ATP1A3: variants seen among roughly 807,000 people sequenced by gnomAD.
ATP1A3 encodes the protein sodium/potassium-transporting ATPase subunit alpha-3.
ATP1A3 carries 12 observed loss-of-function variants against 108.8 expected under a neutral mutation model. The ratio of observed to expected loss-of-function variants is 0.11; its 90% confidence interval spans 0.07 to 0.18. ATP1A3 has a LOEUF of 0.18. ATP1A3 is among the 10% of genes least tolerant of loss of function. ATP1A3 has a pLI of 1.00. For synonymous variants in ATP1A3, 539 were observed against 564.5 expected, an observed-to-expected ratio of 0.95 and a Z score of 0.64; for missense variants, 498 against 1,387.7, an observed-to-expected ratio of 0.36 and a Z score of 10.19.
Position 41,987,953 on chromosome 19 carries a change from C to T in ATP1A3, c.340G>A (p.Asp114Asn), listed in dbSNP as rs782128088. The change falls in exon 4 of 23, where the codon GAC (aspartate) becomes AAC (asparagine). Residue 114 changes from aspartate to asparagine, a missense_variant. By Grantham distance (23) the Asp-to-Asn change is conservative. This residue lies in a region of ATP1A3 where 127 missense variants were observed against 464.0 expected (regional missense o/e 0.27). Transcript: ENST00000648268. ...AYGIQAGTED[D>N]PSGDNLYLGI... is the part of the protein sequence containing the mutation. ...GCACTCACGTTGTCACCAGAGGGGT[C>T]GTCCTCGGTGCCCGCCTGGATACCG... 7 of 1,613,868 alleles carry T rather than the reference C, an allele frequency of 4.3e-6. No homozygotes were observed. The highest frequency in any genetic ancestry group is 2.2e-5 in the East Asian group (1 of 44,880).
At position 41,978,979 on chromosome 19, in the gene ATP1A3, ATTTCTT is replaced by A. The variant is rs1255756863; in HGVS notation, c.1438-187_1438-182del. 6.6e-6 allele frequency among the ~76,000 whole-genome samples: 1 copy of A among 151,310 alleles called. No individual in the cohort carries two copies. The highest frequency in any genetic ancestry group is 2.4e-5 in the African/African-American group (1 of 41,136). ...CGCTCTGTCTATGTCATGGATATATATTTCTTTTTCTTTTTCTTTTTTTCTTTTTTC... is the reference window on the plus strand; with the variant it reads ...CGCTCTGTCTATGTCATGGATATATATTTCTTTTTCTTTTTTTCTTTTTTC... On this transcript the variant is annotated intron_variant, in intron 11 of 22. Coordinates refer to ENST00000648268, the MANE Select transcript of ATP1A3 (RefSeq NM_152296.5). The surrounding 1 kb of genome is among the most constrained non-coding windows in gnomAD (Gnocchi z 8.3).
At chr19:41,987,331 T>C (rs1249556517) in intron 4 of ATP1A3, among the ~76,000 whole-genome samples, 1 of 152,168 alleles carries the variant, frequency 6.6e-6, no homozygotes, top group Admixed American at 6.5e-5. Flanking sequence ...TGTGTGTGTG[T>C]GCGTGTCAGT....
At chr19:41,971,103 A>G (rs964515641) in intron 16 of ATP1A3, among the ~76,000 whole-genome samples, 6 of 152,088 alleles carry the variant, frequency 3.9e-5, no homozygotes, top group African/African-American at 1.4e-4. Flanking sequence ...AGCTGAGACT[A>G]CAGTCACGCG....
rs2145946109 is a variant in ATP1A3, at chr19:41,969,596, A to G, written c.2543-16T>C. The G allele has an allele frequency of 6.2e-7, 1 of 1,612,946 alleles. No individual in the cohort carries two copies. The highest frequency in any genetic ancestry group is 8.5e-7 in the Non-Finnish European group (1 of 1,179,950). ...TGGATCATTCCTGGAAGGAGGAGAG[A>G]GGAAGCCGAGGAGAGGCTCAGATTG... On this transcript the variant is annotated splice_polypyrimidine_tract_variant and intron_variant, in intron 18 of 22. Coordinates refer to ENST00000648268, the MANE Select transcript of ATP1A3 (RefSeq NM_152296.5).
At chr19:41,993,278 A>C in intron 1 of ATP1A3, 2 of 1,061,046 alleles carry the variant, frequency 1.9e-6, no homozygotes, top group South Asian at 2.7e-5. Context: ...TGCTGGAGAG[A>C]CTCACAGACA....
chr19:41,993,867 G>T, intron 1 of ATP1A3: 1 of 944,658 alleles, frequency 1.1e-6, no homozygotes, highest in Non-Finnish European at 1.6e-6. Flanking sequence ...CGCACACAAA[G>T]CCATGCCAAC....
At position 41,985,113 on chromosome 19, in the gene ATP1A3, C is replaced by A; in HGVS notation, c.798G>T (p.Gly266=). The A allele has an allele frequency of 6.2e-7, 1 of 1,614,042 alleles. No individual in the cohort carries two copies. Among genetic ancestry groups the A allele is most frequent in the Non-Finnish European group, 8.5e-7 (1 of 1,179,952 alleles). Residue 266 remains glycine, a synonymous_variant, in exon 8 of 23, where the codon GGG becomes GGT. Transcript: ENST00000648268. The surrounding 1 kb of genome is among the most constrained non-coding windows in gnomAD (Gnocchi z 8.2). ...CGATGGGCGTCTTGCCCACCTCCAG[C>A]CCTGATGCCAGGGTGGCGATACGGC... ...VMGRIATLAS[G]LEVGKTPIAI...
chr19:41,976,602 G>C (rs781858498), intron 14 of ATP1A3, 36 bp from the exon 15 acceptor site: 5 of 1,612,518 alleles, frequency 3.1e-6, no homozygotes, highest in South Asian at 1.1e-5. Context: ...CTGAGGTCAG[G>C]GTGTGTGAGG....
chr19:41,968,910 G>A lies in ATP1A3; in HGVS notation c.2694C>T (p.Tyr898=), dbSNP rs1036805125. ...LEDSYGQQWT[Y]EQRKVVEFTC... is the part of the protein sequence containing the mutation. ...TGAACTCCACCACCTTCCTCTGCTC[G>A]TATGTCTGCAGGAGCGGTGACCAGG... The change falls in exon 20 of 23, where the codon TAC becomes TAT. Residue 898 remains tyrosine, a synonymous_variant. Transcript: ENST00000648268. The surrounding 1 kb of genome is among the most constrained non-coding windows in gnomAD (Gnocchi z 5.0). 8 of 1,613,784 alleles carry A rather than the reference G, an allele frequency of 5.0e-6. No individual in the cohort carries two copies. The highest frequency in any genetic ancestry group is 1.7e-4 in the Middle Eastern group (1 of 6,058).
chr19:41,989,057 C>T (rs760597278), intron 1 of ATP1A3, among the ~76,000 whole-genome samples: 5 of 152,000 alleles, frequency 3.3e-5, no homozygotes, highest in South Asian at 2.1e-4. Context: ...CTCCCGCCTC[C>T]GCCTCCTGTG....
intron 1 of ATP1A3, among the ~76,000 whole-genome samples, chr19:41,990,658 TTC>T (rs1398725046): frequency 1.3e-4 from 17 of 130,418 alleles, no homozygotes; most frequent in African/African-American, 3.3e-4. Flanking sequence ...CTCTCTCTCT[TTC>T]TCTCTCTCTC....
rs2075172328 is a variant in ATP1A3, at chr19:41,976,501, T to C, written c.2009A>G (p.Glu670Gly). ...LKDFTSEQID[E>G]ILQNHTEIVF... The stretch of plus-strand genomic sequence containing the variant: ...GATCTCGGTGTGATTCTGCAGGATC[T>C]CGTCGATTTGCTCGGAGGTGAAGTC... Residue 670 changes from glutamate (E) to glycine (G), a missense_variant, in exon 15 of 23, where the codon GAG (glutamate) becomes GGG (glycine). Around this residue, in one of 9 missense-constraint regions of ATP1A3, gnomAD observed 20 missense variants for 17.8 expected, o/e 1.12. Transcript: ENST00000648268. 1.9e-5 allele frequency: 31 copies of C among 1,613,990 alleles called. No homozygotes were observed. Among genetic ancestry groups the C allele is most frequent in the Non-Finnish European group, 2.5e-5 (30 of 1,180,040 alleles).
intron 16 of ATP1A3, among the ~76,000 whole-genome samples, chr19:41,973,001 C>T (rs1405783397): frequency 6.6e-5 from 10 of 152,130 alleles, no homozygotes; most frequent in African/African-American, 2.4e-4. Flanking sequence ...GGGCCTGGGC[C>T]GCTCCCACCT....
At chr19:41,983,374 G>A (rs1413789024) in intron 8 of ATP1A3, among the ~76,000 whole-genome samples, 2 of 151,724 alleles carry the variant, frequency 1.3e-5, no homozygotes, top group African/African-American at 2.4e-5. Context: ...CACCCTGCCC[G>A]GCCCTAATAT....
At chr19:41,970,132 C>G in intron 18 of ATP1A3, 53 bp downstream of exon 18, 4 of 1,614,044 alleles carry the variant, frequency 2.5e-6, no homozygotes, top group Non-Finnish European at 3.4e-6. Context: ...GGGCCAGGCA[C>G]TGCTCTAGGC....
At chr19:41,977,437 G>A (rs534771093) in intron 14 of ATP1A3, among the ~76,000 whole-genome samples, 62 of 151,660 alleles carry the variant, frequency 4.1e-4, no homozygotes, top group African/African-American at 1.4e-3. Context: ...TGTAATCCCA[G>A]CACTTTGGGA....
In ATP1A3 at chr19:41,985,460, G is replaced by T; in HGVS notation, c.607-37C>A. 6.3e-7 allele frequency: 1 copy of T among 1,576,630 alleles called. No individual in the cohort carries two copies. Among genetic ancestry groups the T allele is most frequent in the Middle Eastern group, 1.7e-4 (1 of 5,984 alleles). Reference sequence around the variant, plus strand: ...TGCAGCAGAGAGAGGGTTCAGTCCAGGGCCTGGGACAGGAGGGTATTTGTG... The same window carrying T: ...TGCAGCAGAGAGAGGGTTCAGTCCATGGCCTGGGACAGGAGGGTATTTGTG... On this transcript the variant is annotated intron_variant, in intron 6 of 22. Transcript: ENST00000648268. This position sits in a 1 kb window ranked among gnomAD's most constrained non-coding sequence, Gnocchi z 8.2.
intron 1 of ATP1A3, 75 bp downstream of exon 1, chr19:41,993,996 G>A: frequency 6.3e-7 from 1 of 1,592,002 alleles, no homozygotes; most frequent in Admixed American, 1.7e-5. Flanking sequence ...CGGTGCCCCC[G>A]CCCCCCGCGC....
In ATP1A3 at chr19:41,985,089, G is replaced by T; in HGVS notation, c.822C>A (p.Ile274=). The T allele has an allele frequency of 3.1e-6, 5 of 1,613,900 alleles. No individual in the cohort carries two copies. The highest frequency in any genetic ancestry group is 4.2e-6 in the Non-Finnish European group (5 of 1,179,914). Residue 274 remains isoleucine, a synonymous_variant, in exon 8 of 23, where the codon ATC becomes ATA. Transcript: ENST00000648268. The surrounding 1 kb of genome is among the most constrained non-coding windows in gnomAD (Gnocchi z 8.2). ...ASGLEVGKTP[I]AIEIEHFIQL... ...GGATGAAGTGCTCAATCTCGATGGC[G>T]ATGGGCGTCTTGCCCACCTCCAGCC...
Sources: allele counts gnomAD v4.1 joint callset (sites outside exome capture counted in the v4.1 genomes callset), GRCh38; gene constraint gnomAD v4.1.1; regional missense constraint gnomAD v4.1.1; non-coding constraint Gnocchi (gnomAD v3.1); transcripts MANE v1.5; gene names NCBI Gene and HGNC (gene_info 2026-07-23, HGNC 2026-07-21).